Variants in CRACD observed in about 807,000 individuals in gnomAD.
CRACD encodes capping protein inhibiting regulator of actin dynamics.
CRACD carries 56 observed loss-of-function variants against 106.8 expected under a neutral mutation model. That is an observed-to-expected ratio of 0.52 (90% confidence interval 0.42 to 0.66). CRACD has a LOEUF of 0.66. CRACD is among the 30% of genes least tolerant of loss of function. CRACD has a pLI of 0.00. For synonymous variants in CRACD, 754 were observed against 670.8 expected, an observed-to-expected ratio of 1.12 and a Z score of -1.92; for missense variants, 1,730 against 1,623.2, an observed-to-expected ratio of 1.07 and a Z score of -1.13.
chr4:56,188,877 C>CAGAAT (rs10627376), intron 2 of CRACD, among the ~76,000 whole-genome samples: 1 of 151,438 alleles, frequency 6.6e-6, no homozygotes, highest in African/African-American at 2.4e-5. Flanking sequence ...ATACCTATCT[C>CAGAAT]TAAACCATAA....
rs1215578883 is a variant in CRACD at position 56,314,799 on chromosome 4, C to A, written c.1297C>A (p.Gln433Lys). ...LNDFEERLED[Q>K]ERLKPEGQRE... ...CGACTTTGAGGAGAGGCTCGAAGAC[C>A]AGGAACGCCTGAAACCCGAAGGACA... The change falls in exon 8 of 11, where the codon CAG becomes AAG. Residue 433 changes from glutamine (Q) to lysine (K), a missense_variant. Gln to Lys is a moderately conservative substitution (Grantham distance 53). This residue lies in a region of CRACD where 1,620 missense variants were observed against 1,481.6 expected (regional missense o/e 1.09). Coordinates refer to ENST00000682029, the MANE Select transcript of CRACD (RefSeq NM_001393381.1). This position sits in a 1 kb window ranked among gnomAD's most constrained non-coding sequence, Gnocchi z 4.4. The A allele has an allele frequency of 6.2e-7, 1 of 1,603,410 alleles. No homozygotes were observed. The highest frequency in any genetic ancestry group is 1.1e-5 in the South Asian group (1 of 88,684).
At chr4:56,114,039 A>C (rs921584085) in intron 1 of CRACD, among the ~76,000 whole-genome samples, 1 of 151,962 alleles carries the variant, frequency 6.6e-6, no homozygotes, top group African/African-American at 2.4e-5. Flanking sequence ...GTTCATCATA[A>C]GTAACCAAAA....
At chr4:56,201,094 T>C (rs1737860218) in intron 2 of CRACD, among the ~76,000 whole-genome samples, 1 of 152,222 alleles carries the variant, frequency 6.6e-6, no homozygotes, top group South Asian at 2.1e-4. Flanking sequence ...GATATTTTTA[T>C]ATGGACTAAT....
chr4:56,257,523 A>T (rs997121491), intron 2 of CRACD, among the ~76,000 whole-genome samples: 1 of 101,454 alleles, frequency 9.9e-6, no homozygotes, highest in African/African-American at 3.9e-5. Flanking sequence ...ACTTGTCTCT[A>T]CAGAAAAAAA....
intron 2 of CRACD, among the ~76,000 whole-genome samples, chr4:56,230,587 A>T (rs757841816): frequency 6.6e-5 from 10 of 152,132 alleles, no homozygotes; most frequent in Non-Finnish European, 1.2e-4. Flanking sequence ...GAAGGGATTG[A>T]ACCTGAACAA....
At chr4:56,082,007 T>C (rs1045181996) in intron 1 of CRACD, among the ~76,000 whole-genome samples, 7 of 151,650 alleles carry the variant, frequency 4.6e-5, no homozygotes, top group South Asian at 2.1e-4. Context: ...GCTTTCAAGG[T>C]GCTTACATTC....
intron 1 of CRACD, among the ~76,000 whole-genome samples, chr4:56,096,887 A>G (rs528378785): frequency 2.6e-5 from 4 of 152,328 alleles, no homozygotes; most frequent in Non-Finnish European, 5.9e-5. Flanking sequence ...AGAGAAGTGG[A>G]ATAGAAGCCA....
At chr4:56,197,854 T>C (rs915241361) in intron 2 of CRACD, among the ~76,000 whole-genome samples, 1 of 152,158 alleles carries the variant, frequency 6.6e-6, no homozygotes, top group Admixed American at 6.5e-5. Context: ...ATTTTTTGTA[T>C]TTTTAGTAGA....
chr4:56,283,793 G>A (rs111307820), intron 3 of CRACD, among the ~76,000 whole-genome samples: 662 of 152,306 alleles, frequency 4.3e-3, no homozygotes, highest in Non-Finnish European at 6.4e-3. Flanking sequence ...TCTTTAGGTA[G>A]AGTGAAACAA....
chr4:56,054,509 A>G (rs1175740108), intron 1 of CRACD, among the ~76,000 whole-genome samples: 4 of 152,214 alleles, frequency 2.6e-5, no homozygotes, highest in South Asian at 2.1e-4. Flanking sequence ...GAAAATTCAT[A>G]GAGATAAGAA....
chr4:56,101,386 C>T (rs1164540732), intron 1 of CRACD, among the ~76,000 whole-genome samples: 2 of 152,146 alleles, frequency 1.3e-5, no homozygotes, highest in Non-Finnish European at 2.9e-5. Context: ...TCCCTGGTCA[C>T]ATTTCTCTCC....
chr4:56,211,915 G>T (rs1354597516), intron 2 of CRACD, among the ~76,000 whole-genome samples: 1 of 152,128 alleles, frequency 6.6e-6, no homozygotes, highest in Non-Finnish European at 1.5e-5. Flanking sequence ...ACTGTCTTTG[G>T]CCTGGAGGTG....
intron 1 of CRACD, among the ~76,000 whole-genome samples, chr4:56,059,833 G>A (rs142079972): frequency 0.022 from 3,402 of 152,080 alleles, 137 homozygotes; most frequent in African/African-American, 0.078. Flanking sequence ...ACAGGCATGC[G>A]CCACCACACC....
In CRACD at chr4:56,241,477, C is replaced by T. The variant is rs1489612125; in HGVS notation, c.-188-30844C>T. The stretch of plus-strand genomic sequence containing the variant: ...CTCCCAATTCCTCTGCCTCTAATTT[C>T]GTCAAGGGACTTCTGTTTCTCTTTG... On this transcript the variant is annotated intron_variant, in intron 2 of 10. Transcript: ENST00000682029. Among the ~76,000 whole-genome samples, 7 of 151,864 alleles carry T rather than the reference C, an allele frequency of 4.6e-5. No individual in the cohort carries two copies. In the East Asian group the frequency reaches 1.2e-3, roughly 25 times the overall value.
At chr4:56,077,169 G>A (rs571048150) in intron 1 of CRACD, among the ~76,000 whole-genome samples, 71 of 152,268 alleles carry the variant, frequency 4.7e-4, no homozygotes, top group Non-Finnish European at 6.6e-4. Context: ...TCACAGTTCC[G>A]CATGGCTGGA....
rs138483023 is a variant in CRACD, at chr4:56,193,077, G to A, written c.-189+13647G>A. ...GTATAATGGACTCACAGTTCCACTT[G>A]GCTGGGGAGGCCTCACAATCATGGT... On this transcript the variant is annotated intron_variant, in intron 2 of 10. Transcript: ENST00000682029. 4.3e-3 allele frequency among the ~76,000 whole-genome samples: 652 copies of A among 152,298 alleles called. 2 individuals are homozygous for A. Among genetic ancestry groups the A allele is most frequent in the African/African-American group, 0.015 (616 of 41,568 alleles).
intron 3 of CRACD, among the ~76,000 whole-genome samples, chr4:56,281,339 C>T (rs1743026550): frequency 6.6e-6 from 1 of 152,080 alleles, no homozygotes; most frequent in Non-Finnish European, 1.5e-5. Flanking sequence ...ATCCTGAAAC[C>T]ATCTTCCCAG....
intron 1 of CRACD, among the ~76,000 whole-genome samples, chr4:56,124,334 G>T (rs1389892471): frequency 2.0e-5 from 3 of 152,300 alleles, no homozygotes; most frequent in Middle Eastern, 3.4e-3. Flanking sequence ...AGATTTGACA[G>T]TTATCAGCAT....
intron 2 of CRACD, among the ~76,000 whole-genome samples, chr4:56,232,937 C>T (rs1277410546): frequency 6.6e-6 from 1 of 151,776 alleles, no homozygotes; most frequent in African/African-American, 2.4e-5. Flanking sequence ...CCATATCGAA[C>T]AGGCTGGTCT....
Sources: allele counts gnomAD v4.1 joint callset (sites outside exome capture counted in the v4.1 genomes callset), GRCh38; gene constraint gnomAD v4.1.1; regional missense constraint gnomAD v4.1.1; non-coding constraint Gnocchi (gnomAD v3.1); transcripts MANE v1.5; gene names NCBI Gene and HGNC (gene_info 2026-07-23, HGNC 2026-07-21).